The following CDH11 variants were observed in gnomAD, a reference collection of about 807,000 sequenced individuals.
CDH11 encodes the protein cadherin-11.
Under a neutral mutation model 67.8 loss-of-function variants are expected in CDH11, and 11 were observed. That is an observed-to-expected ratio of 0.16 (90% CI 0.10 to 0.27). CDH11 has a LOEUF of 0.27. Ranked by LOEUF, CDH11 falls within the 10% of genes least tolerant of loss-of-function variation. The probability of loss-of-function intolerance (pLI) is 1.00; values close to 1 mark genes in which losing one functional copy is unlikely to be tolerated. For synonymous variants in CDH11, 419 were observed against 400.0 expected (o/e 1.05, Z -0.57); for missense variants, 847 against 1,031.2 (o/e 0.82, Z 2.45).
intron 2 of CDH11, among the ~76,000 whole-genome samples, chr16:65,032,151 T>C (rs2073655586): frequency 6.6e-6 from 1 of 152,006 alleles, no homozygotes; most frequent in African/African-American, 2.4e-5. Flanking sequence ...TGATACTGAA[T>C]CTTTACAGTC....
intron 12 of CDH11, among the ~76,000 whole-genome samples, chr16:64,949,042 T>C (rs1268833343): frequency 6.6e-6 from 1 of 152,156 alleles, no homozygotes; most frequent in African/African-American, 2.4e-5. Flanking sequence ...CCCAAAGCTC[T>C]GTGCTTTTTT....
intron 1 of CDH11, among the ~76,000 whole-genome samples, chr16:65,055,174 T>C (rs746542994): frequency 2.0e-5 from 3 of 152,180 alleles, no homozygotes; most frequent in Non-Finnish European, 4.4e-5. Context: ...GGACCCTGCT[T>C]GTCAACCATG....
intron 1 of CDH11, among the ~76,000 whole-genome samples, chr16:65,063,286 T>C (rs1201309956): frequency 6.6e-6 from 1 of 152,168 alleles, no homozygotes; most frequent in Non-Finnish European, 1.5e-5. Flanking sequence ...TTTTAAATAC[T>C]CTTTGGATGG....
chr16:65,061,067 C>G (rs1257981688), intron 1 of CDH11, among the ~76,000 whole-genome samples: 4 of 152,226 alleles, frequency 2.6e-5, no homozygotes, highest in African/African-American at 7.2e-5. Context: ...CTAGCATAAA[C>G]TCAGAGGGCC....
At chr16:64,993,911 C>G (rs1365724334) in intron 4 of CDH11, among the ~76,000 whole-genome samples, 1 of 152,142 alleles carries the variant, frequency 6.6e-6, no homozygotes. Flanking sequence ...CATTCCTCTG[C>G]TGGGCATTTT....
intron 2 of CDH11, among the ~76,000 whole-genome samples, chr16:65,021,033 C>T (rs1442993163): frequency 6.6e-6 from 1 of 152,066 alleles, no homozygotes; most frequent in African/African-American, 2.4e-5. Context: ...AGCCCATCCC[C>T]CATTGAAGTC....
intron 11 of CDH11, among the ~76,000 whole-genome samples, chr16:64,961,715 GAAT>G (rs893813406): frequency 1.3e-5 from 2 of 151,952 alleles, no homozygotes; most frequent in African/African-American, 4.8e-5. Context: ...TTGTTGTTTG[GAAT>G]AAGAGGGTTG....
chr16:65,035,821 G>A (rs117848154), intron 2 of CDH11, among the ~76,000 whole-genome samples: 2,571 of 152,238 alleles, frequency 0.017, 42 homozygotes, highest in Middle Eastern at 0.071. Flanking sequence ...TCAGAGATCC[G>A]AGTGAAGATG....
intron 2 of CDH11, among the ~76,000 whole-genome samples, chr16:65,031,028 G>A (rs2142619851): frequency 6.6e-6 from 1 of 152,316 alleles, no homozygotes; most frequent in South Asian, 2.1e-4. Context: ...ATTGATTGAG[G>A]AATTAGGAAT....
At chr16:64,973,917 G>A (rs2072084199) in intron 8 of CDH11, among the ~76,000 whole-genome samples, 1 of 152,140 alleles carries the variant, frequency 6.6e-6, no homozygotes, top group South Asian at 2.1e-4. Flanking sequence ...AGCGTGTAAT[G>A]TACAAAGTAA....
At chr16:65,015,204 A>G (rs2073276712) in intron 2 of CDH11, among the ~76,000 whole-genome samples, 1 of 151,982 alleles carries the variant, frequency 6.6e-6, no homozygotes, top group African/African-American at 2.4e-5. Context: ...AACAGTGGAA[A>G]GATGTACAGG....
At chr16:64,996,143 T>C (rs1158013194) in intron 4 of CDH11, among the ~76,000 whole-genome samples, 1 of 152,048 alleles carries the variant, frequency 6.6e-6, no homozygotes. Context: ...CTGGTTGGAA[T>C]GTACATTAGG....
intron 10 of CDH11, 70 bp downstream of exon 10, chr16:64,971,861 G>T: frequency 6.5e-7 from 1 of 1,548,870 alleles, no homozygotes; most frequent in South Asian, 1.1e-5. Flanking sequence ...ATCTCCAAGT[G>T]ATGGTTTAAA....
chr16:64,983,526 G>A lies in CDH11; in HGVS notation c.1000-1225C>T, dbSNP rs7202386. 2.3e-3 allele frequency among the ~76,000 whole-genome samples: 345 copies of A among 152,240 alleles called. 3 individuals carry two copies. The highest frequency in any genetic ancestry group is 7.6e-3 in the African/African-American group (315 of 41,544). On this transcript the variant is annotated intron_variant, in intron 7 of 12. Coordinates refer to ENST00000268603, the MANE Select transcript of CDH11 (RefSeq NM_001797.4). Reference sequence around the variant, plus strand: ...TTATTCTGAATGGGCATATAGTCATGGGGCTTATTCCTGATCTAATTTTGC... The same window carrying A: ...TTATTCTGAATGGGCATATAGTCATAGGGCTTATTCCTGATCTAATTTTGC...
intron 2 of CDH11, among the ~76,000 whole-genome samples, chr16:65,015,410 T>A (rs2073281827): frequency 6.6e-6 from 1 of 151,354 alleles, no homozygotes; most frequent in Non-Finnish European, 1.5e-5. Flanking sequence ...GATACAGAGA[T>A]GATAACTAAC....
intron 1 of CDH11, among the ~76,000 whole-genome samples, chr16:65,079,374 T>C (rs956490570): frequency 6.6e-6 from 1 of 152,234 alleles, no homozygotes; most frequent in African/African-American, 2.4e-5. Flanking sequence ...ATGAAAAAAA[T>C]TAATGTTTTT....
chr16:64,989,425 G>A (rs1401335314), intron 6 of CDH11, among the ~76,000 whole-genome samples: 1 of 152,162 alleles, frequency 6.6e-6, no homozygotes, highest in Non-Finnish European at 1.5e-5. Flanking sequence ...GTTTTGCGTA[G>A]TGTGGTAGGA....
chr16:65,012,065 C>A (rs2073194995), intron 2 of CDH11, among the ~76,000 whole-genome samples: 2 of 152,182 alleles, frequency 1.3e-5, no homozygotes, highest in Non-Finnish European at 2.9e-5. Context: ...TGTTCTCAAA[C>A]AATACTGAGA....
intron 4 of CDH11, among the ~76,000 whole-genome samples, chr16:64,996,029 C>A (rs992088918): frequency 1.3e-5 from 2 of 151,896 alleles, no homozygotes; most frequent in Admixed American, 1.3e-4. Context: ...TAAATGAAAC[C>A]CATAATGAGA....
Sources: gnomAD v4.1 joint callset for allele counts (sites outside exome capture counted in the v4.1 genomes callset) on GRCh38, gnomAD v4.1.1 for gene constraint, MANE v1.5 for transcripts, NCBI Gene and HGNC (gene_info 2026-07-23, HGNC 2026-07-21) for gene names.